Variants in CCDC40 observed in about 807,000 individuals in gnomAD.
The protein encoded by CCDC40 is coiled-coil domain-containing protein 40.
A neutral mutation model predicts 124.5 loss-of-function variants in CCDC40; 104 were observed. That is an observed-to-expected ratio of 0.84 (90% CI 0.71 to 0.98). The LOEUF (loss-of-function observed/expected upper bound fraction) is 0.98. Among genes scored for constraint, CCDC40 ranks in the 50% least tolerant of loss-of-function variants. CCDC40 has a pLI of 0.00. For missense variants in CCDC40, 1,463 were observed against 1,503.9 expected (o/e 0.97, Z 0.45); for synonymous variants, 580 against 602.9 (o/e 0.96, Z 0.56).
intron 17 of CCDC40, chr17:80,090,329 AGGCAC>A: frequency 2.9e-6 from 2 of 684,064 alleles, no homozygotes; most frequent in South Asian, 2.5e-5. Context: ...GGACGCGCGC[AGGCAC>A]GTGCACGAAC....
At chr17:80,069,808 G>A (rs116847171) in intron 10 of CCDC40, among the ~76,000 whole-genome samples, 3,053 of 147,570 alleles carry the variant, frequency 0.021, 122 homozygotes, top group Admixed American at 0.093. Context: ...GAGAGAGAGA[G>A]AAAAAAAGAA....
chr17:80,043,882 G>A (rs1357196180), intron 3 of CCDC40, among the ~76,000 whole-genome samples: 2 of 152,026 alleles, frequency 1.3e-5, no homozygotes, highest in Non-Finnish European at 2.9e-5. Context: ...GATCCTTACT[G>A]TATTCACTGA....
chr17:80,048,893 G>A (rs927407507), intron 5 of CCDC40, 132 bp downstream of exon 5: 14 of 845,214 alleles, frequency 1.7e-5, no homozygotes, highest in East Asian at 1.6e-4. Flanking sequence ...TCACTGCACC[G>A]TTTATTGGCA....
At chr17:80,036,822 C>G in intron 1 of CCDC40, 131 bp downstream of exon 1, 1 of 851,612 alleles carries the variant, frequency 1.2e-6, no homozygotes, top group Non-Finnish European at 1.7e-6. Context: ...TCGCCTGTGT[C>G]CCTTCTCTCG....
At chr17:80,042,927 A>G (rs1685455341) in intron 3 of CCDC40, among the ~76,000 whole-genome samples, 1 of 151,938 alleles carries the variant, frequency 6.6e-6, no homozygotes, top group Admixed American at 6.6e-5. Flanking sequence ...GTCTGTTAAG[A>G]AGACTGTATT....
In CCDC40 at chr17:80,058,830, C is replaced by T. The variant is rs533097824; in HGVS notation, c.1318-28C>T. 4.3e-6 allele frequency: 7 copies of T among 1,613,940 alleles called. No homozygotes were observed. Among genetic ancestry groups the T allele is most frequent in the East Asian group, 2.2e-5 (1 of 44,854 alleles). ...GCCCTCAGCCACGGGCACCTCCTGACGGGGCTGCTTCTCATCCTGTTTCCC... is the reference window on the plus strand; with the variant it reads ...GCCCTCAGCCACGGGCACCTCCTGATGGGGCTGCTTCTCATCCTGTTTCCC... On this transcript the variant is annotated intron_variant, in intron 8 of 19. Transcript: ENST00000397545. This position sits in a 1 kb window ranked among gnomAD's most constrained non-coding sequence, Gnocchi z 4.2.
In CCDC40 at chr17:80,081,749, C is replaced by T; in HGVS notation, c.1766C>T (p.Thr589Ile). ...AGCCAGTTCAATACCTACAGGCTCACCCTGCAGGACACAGAGGATGCCCTC... is the reference window on the plus strand; with the variant it reads ...AGCCAGTTCAATACCTACAGGCTCATCCTGCAGGACACAGAGGATGCCCTC... Reference protein sequence around the residue: ...LQSQFNTYRLTLQDTEDALSQ... With the variant: ...LQSQFNTYRLILQDTEDALSQ... Residue 589 changes from threonine (T) to isoleucine (I), a missense_variant, in exon 11 of 20, where the codon ACC becomes ATC. Coordinates refer to ENST00000397545, the MANE Select transcript of CCDC40 (RefSeq NM_017950.4). The T allele has an allele frequency of 6.2e-7, 1 of 1,614,026 alleles. No individual in the cohort carries two copies. Among genetic ancestry groups the T allele is most frequent in the Non-Finnish European group, 8.5e-7 (1 of 1,179,980 alleles).
intron 9 of CCDC40, among the ~76,000 whole-genome samples, chr17:80,061,294 C>T (rs765693725): frequency 5.9e-5 from 9 of 152,114 alleles, no homozygotes; most frequent in Admixed American, 3.3e-4. Flanking sequence ...TGCAGTGAGC[C>T]GAGATCATGC....
intron 3 of CCDC40, among the ~76,000 whole-genome samples, chr17:80,043,216 C>A (rs562065867): frequency 4.1e-4 from 63 of 152,296 alleles, no homozygotes; most frequent in African/African-American, 1.5e-3. Context: ...TCGGACGCAC[C>A]TCCATCCTTC....
At chr17:80,081,401 A>AATAAATAAATAAATAAATAC in intron 10 of CCDC40, 145 bp from the exon 11 acceptor site, 1 of 564,884 alleles carries the variant, frequency 1.8e-6, no homozygotes, top group Non-Finnish European at 3.1e-6. Flanking sequence ...TAAATAAATA[A>AATAAATAAATAAATAAATAC]ATAAATAAAT....
chr17:80,062,376 C>T (rs771832452), intron 9 of CCDC40, among the ~76,000 whole-genome samples: 1 of 151,936 alleles, frequency 6.6e-6, no homozygotes, highest in African/African-American at 2.4e-5. Context: ...CATATGTATA[C>T]ATGTGCCATG....
Position 80,066,483 on chromosome 17 carries a change from C to T in CCDC40, c.1562+877C>T, listed in dbSNP as rs1169701959. Reference sequence around the variant, plus strand: ...TTAACCATACTCATTTCTGGCCAGGCGCAGTGGCTCGCACCTGTAATCCCA... The same window carrying T: ...TTAACCATACTCATTTCTGGCCAGGTGCAGTGGCTCGCACCTGTAATCCCA... On this transcript the variant is annotated intron_variant, in intron 10 of 19. Transcript: ENST00000397545. The surrounding 1 kb of genome is among the most constrained non-coding windows in gnomAD (Gnocchi z 4.4). 1.7e-5 allele frequency: 5 copies of T among 290,292 alleles called. No homozygotes were observed. Among genetic ancestry groups the T allele is most frequent in the South Asian group, 4.9e-5 (1 of 20,306 alleles). The allele number at this position is 290,292 out of a possible 1,614,324, so 18.0% of individuals were successfully genotyped here.
intron 10 of CCDC40, among the ~76,000 whole-genome samples, chr17:80,068,850 C>T (rs553747555): frequency 3.9e-4 from 60 of 152,368 alleles, no homozygotes; most frequent in African/African-American, 5.5e-4. Flanking sequence ...GAATGCTCCA[C>T]GCTCGGACTA....
intron 10 of CCDC40, among the ~76,000 whole-genome samples, chr17:80,078,330 CAAAA>C (rs71163916): frequency 1.2e-4 from 8 of 67,148 alleles, no homozygotes; most frequent in Non-Finnish European, 2.2e-4. Context: ...GACTCTGTCT[CAAAA>C]AAAAAAAAAA....
Position 80,099,754 on chromosome 17 carries a change from C to T in CCDC40, c.3408C>T (p.Leu1136=), listed in dbSNP as rs186591691. 1,087 of 1,613,398 alleles carry T rather than the reference C, an allele frequency of 6.7e-4. 4 individuals carry two copies. In the African/African-American group the frequency reaches 0.012, roughly 18 times the overall value. Residue 1136 remains leucine (L), a synonymous_variant, in exon 20 of 20, where the codon CTC becomes CTT. Transcript: ENST00000397545. ...TCAGCCAGATGATCGCCAACAAGCT[C>T]GAGTCACCAGGGCCCTCCTAGGGAG... ...HKVSQMIANK[L]ESPGPS
rs1370034993 is a variant in CCDC40 at position 80,048,580 on chromosome 17, C to A, written c.677-3C>A. 1.2e-6 allele frequency: 2 copies of A among 1,612,334 alleles called. No homozygotes were observed. On this transcript the variant is annotated splice_region_variant and splice_polypyrimidine_tract_variant and intron_variant, in intron 4 of 19. Coordinates refer to ENST00000397545, the MANE Select transcript of CCDC40 (RefSeq NM_017950.4). Reference sequence around the variant, plus strand: ...TCAATGGTGTCGCTGTCTCTCCCCCCAGTGATCCCCCCAGGGGTGCCCGAT... The same window carrying A: ...TCAATGGTGTCGCTGTCTCTCCCCCAAGTGATCCCCCCAGGGGTGCCCGAT...
chr17:80,068,037 AT>A, intron 10 of CCDC40: 2 of 1,011,870 alleles, frequency 2.0e-6, no homozygotes, highest in Non-Finnish European at 1.2e-6. Flanking sequence ...TATTTATTAT[AT>A]TTTTGTGGTT....
chr17:80,084,658 A>C, intron 12 of CCDC40, 85 bp from the exon 13 acceptor site: 2 of 1,525,296 alleles, frequency 1.3e-6, no homozygotes, highest in Non-Finnish European at 1.8e-6. Context: ...GAACATCCCG[A>C]CCGTCAGGGA....
rs2037813391 is a variant in CCDC40 at position 80,058,606 on chromosome 17, G to A, written c.1272G>A (p.Lys424=). ...GCGTGATGACACAAGTGGTAAAGAAGGCCGAGACGGAGAGGATCCGGGCAG... is the reference window on the plus strand; with the variant it reads ...GCGTGATGACACAAGTGGTAAAGAAAGCCGAGACGGAGAGGATCCGGGCAG... ...DIRVMTQVVK[K]AETERIRAEI... The change falls in exon 8 of 20, where the codon AAG becomes AAA. Residue 424 remains lysine (K), a synonymous_variant. Transcript: ENST00000397545. The surrounding 1 kb of genome is among the most constrained non-coding windows in gnomAD (Gnocchi z 4.2). The A allele has an allele frequency of 1.2e-6, 2 of 1,614,120 alleles. No individual in the cohort carries two copies. The highest frequency in any genetic ancestry group is 1.3e-5 in the African/African-American group (1 of 74,938).
Sources: gnomAD v4.1 joint callset for allele counts (sites outside exome capture counted in the v4.1 genomes callset) on GRCh38, gnomAD v4.1.1 for gene constraint, Gnocchi (gnomAD v3.1) non-coding constraint, MANE v1.5 for transcripts, NCBI Gene and HGNC (gene_info 2026-07-23, HGNC 2026-07-21) for gene names.